Variants in SPAG16 observed in about 807,000 individuals in gnomAD.
SPAG16 encodes the protein sperm associated antigen 16.
SPAG16 carries 86 observed loss-of-function variants against 80.4 expected under a neutral mutation model. The ratio of observed to expected loss-of-function variants is 1.07; its 90% CI spans 0.90 to 1.28. The LOEUF (loss-of-function observed/expected upper bound fraction) is 1.28. Ranked by LOEUF, SPAG16 falls within the 50% of genes most tolerant of loss-of-function variation. SPAG16 has a pLI of 0.00. For missense variants in SPAG16, 870 were observed against 765.3 expected (o/e 1.14, Z -1.61); for synonymous variants, 294 against 265.9 (o/e 1.11, Z -1.03).
At chr2:213,869,265 A>AAAAATATATATATATGTATATATATATG (rs1491244962) in intron 11 of SPAG16, among the ~76,000 whole-genome samples, 1 of 24,806 alleles carries the variant, frequency 4.0e-5, no homozygotes, top group African/African-American at 5.4e-5. Flanking sequence ...AAAAAAAAAA[A>AAAAATATATATATATGTATATATATATG]TATATATATA....
At position 213,532,712 on chromosome 2, in the gene SPAG16, C is replaced by T. The variant is rs574193691; in HGVS notation, c.1070+42622C>T. ...TCCTGACCTCAGGATCCGCCCGCCT[C>T]GGCCTCCCAAAGTGCTGGGATTACA... On this transcript the variant is annotated intron_variant, in intron 10 of 15. Coordinates refer to ENST00000331683, the MANE Select transcript of SPAG16 (RefSeq NM_024532.5). Among the ~76,000 whole-genome samples, 271 of 150,972 alleles carry T rather than the reference C, an allele frequency of 1.8e-3. 1 individual carries two copies. Among genetic ancestry groups the T allele is most frequent in the African/African-American group, 6.5e-3 (261 of 40,348 alleles).
At chr2:213,426,525 G>T (rs931933530) in intron 9 of SPAG16, among the ~76,000 whole-genome samples, 2 of 151,754 alleles carry the variant, frequency 1.3e-5, no homozygotes, top group African/African-American at 4.8e-5. Flanking sequence ...AATCCAAGTA[G>T]ATTTTAGAAA....
At chr2:213,761,781 G>A (rs924374485) in intron 10 of SPAG16, among the ~76,000 whole-genome samples, 1 of 152,032 alleles carries the variant, frequency 6.6e-6, no homozygotes, top group Admixed American at 6.6e-5. Context: ...CAGGAGAATG[G>A]CATGAACCCG....
chr2:213,718,364 C>G (rs1233529600), intron 10 of SPAG16, among the ~76,000 whole-genome samples: 1 of 152,204 alleles, frequency 6.6e-6, no homozygotes, highest in Non-Finnish European at 1.5e-5. Flanking sequence ...TCGGCACCCC[C>G]CCTGCCTGGG....
intron 11 of SPAG16, among the ~76,000 whole-genome samples, chr2:213,900,153 G>C (rs1427234562): frequency 6.6e-6 from 1 of 151,960 alleles, no homozygotes; most frequent in Non-Finnish European, 1.5e-5. Context: ...TGCAGAAATG[G>C]GTACACTGAC....
At chr2:213,533,703 C>T (rs569820745) in intron 10 of SPAG16, among the ~76,000 whole-genome samples, 2 of 151,860 alleles carry the variant, frequency 1.3e-5, no homozygotes, top group Non-Finnish European at 2.9e-5. Context: ...ATCTGTGTTT[C>T]TATTAGAAAA....
At chr2:213,466,277 A>T (rs1370345316) in intron 9 of SPAG16, among the ~76,000 whole-genome samples, 1 of 152,208 alleles carries the variant, frequency 6.6e-6, no homozygotes, top group Admixed American at 6.5e-5. Flanking sequence ...CTGTCCCTCT[A>T]GAGAACCCTG....
intron 10 of SPAG16, among the ~76,000 whole-genome samples, chr2:213,670,274 G>A (rs946362544): frequency 1.3e-4 from 20 of 152,166 alleles, no homozygotes; most frequent in African/African-American, 4.8e-4. Flanking sequence ...GGGATTACAG[G>A]CGTGAGCCAC....
At chr2:214,127,528 A>G (rs2054550336) in intron 14 of SPAG16, among the ~76,000 whole-genome samples, 1 of 151,880 alleles carries the variant, frequency 6.6e-6, no homozygotes, top group Admixed American at 6.7e-5. Context: ...TGGAAGGAAA[A>G]CACAATATTT....
At chr2:214,355,812 G>A (rs1698750678) in intron 15 of SPAG16, among the ~76,000 whole-genome samples, 1 of 151,634 alleles carries the variant, frequency 6.6e-6, no homozygotes, top group Middle Eastern at 3.4e-3. Context: ...AGAAAATGTG[G>A]CACATATACA....
At chr2:213,960,994 A>C (rs1490124898) in intron 12 of SPAG16, among the ~76,000 whole-genome samples, 1 of 152,172 alleles carries the variant, frequency 6.6e-6, no homozygotes, top group Non-Finnish European at 1.5e-5. Context: ...AGCTACGGAC[A>C]AGCTGCTCCA....
intron 9 of SPAG16, among the ~76,000 whole-genome samples, chr2:213,408,124 A>G (rs2068766901): frequency 7.3e-6 from 1 of 136,852 alleles, no homozygotes. Flanking sequence ...AAAGAAAAAA[A>G]AACAAAAAAA....
At chr2:214,385,519 A>ATTTT (rs1700701255) in intron 15 of SPAG16, among the ~76,000 whole-genome samples, 1 of 152,102 alleles carries the variant, frequency 6.6e-6, no homozygotes, top group South Asian at 2.1e-4. Context: ...GTGAGAGAAT[A>ATTTT]TTTTTATTTT....
chr2:213,617,918 T>C (rs1350608083), intron 10 of SPAG16, among the ~76,000 whole-genome samples: 3 of 152,306 alleles, frequency 2.0e-5, no homozygotes, highest in East Asian at 3.9e-4. Flanking sequence ...ATCCAGCCCT[T>C]TGGTGGTGCT....
At chr2:213,983,157 A>T (rs1319660900) in intron 12 of SPAG16, among the ~76,000 whole-genome samples, 2 of 151,966 alleles carry the variant, frequency 1.3e-5, no homozygotes, top group Non-Finnish European at 2.9e-5. Context: ...CTTTTTGCTT[A>T]TGATTTGTAA....
chr2:214,110,299 C>T (rs1406004612), intron 14 of SPAG16, among the ~76,000 whole-genome samples: 2 of 151,994 alleles, frequency 1.3e-5, no homozygotes, highest in Non-Finnish European at 2.9e-5. Flanking sequence ...AGCCCCCACC[C>T]CTGACAGGCC....
intron 15 of SPAG16, among the ~76,000 whole-genome samples, chr2:214,231,776 T>C (rs1688720653): frequency 6.6e-6 from 1 of 152,116 alleles, no homozygotes; most frequent in Non-Finnish European, 1.5e-5. Flanking sequence ...GGGACCATTG[T>C]CTGTTTTCTT....
At chr2:213,918,543 G>A (rs2078069472) in intron 11 of SPAG16, among the ~76,000 whole-genome samples, 1 of 152,098 alleles carries the variant, frequency 6.6e-6, no homozygotes. Context: ...ACTTGCCTGT[G>A]CTGTTCTTTT....
intron 9 of SPAG16, among the ~76,000 whole-genome samples, chr2:213,445,925 A>AGG (rs2071281383): frequency 1.3e-5 from 2 of 152,210 alleles, no homozygotes; most frequent in South Asian, 4.1e-4. Context: ...CCAGAGAACC[A>AGG]AGCTGCAGAC....
Sources: gnomAD v4.1 joint callset for allele counts (sites outside exome capture counted in the v4.1 genomes callset) on GRCh38, gnomAD v4.1.1 for gene constraint, MANE v1.5 for transcripts, NCBI Gene and HGNC (gene_info 2026-07-23, HGNC 2026-07-21) for gene names.